The following MED13L variants were observed in gnomAD, a reference collection of about 807,000 sequenced individuals.
MED13L encodes mediator complex subunit 13L.
Under a neutral mutation model 220.9 loss-of-function variants are expected in MED13L, and 7 were observed. The observed-to-expected ratio is 0.03, with a 90% CI of 0.02 to 0.06. The LOEUF (loss-of-function observed/expected upper bound fraction) is 0.06, where lower values mean the gene tolerates loss of function less well. Ranked by LOEUF, MED13L falls within the 10% of genes least tolerant of loss-of-function variation. The pLI is 1.00. For missense variants in MED13L, 1,965 were observed against 2,760.5 expected (o/e 0.71, Z 6.46); for synonymous variants, 1,011 against 1,015.2 (o/e 1.00, Z 0.08).
chr12:115,986,449 C>T lies in MED13L; in HGVS notation c.4155G>A (p.Leu1385=), dbSNP rs758794146. ...GGAAATCCTTGTCATAGCCTACCAG[C>T]AGAGTGGGGATGGGCAACGGCTCAG... ...ESPEPLPIPT[L]LVGYDKDFLT... is the part of the protein sequence containing the mutation. The change falls in exon 19 of 31, where the codon CTG becomes CTA. Residue 1385 remains leucine, a synonymous_variant. Coordinates refer to ENST00000281928, the MANE Select transcript of MED13L (RefSeq NM_015335.5). 1 of 1,614,106 alleles carries T rather than the reference C, an allele frequency of 6.2e-7. No homozygotes were observed. Among genetic ancestry groups the T allele is most frequent in the East Asian group, 2.2e-5 (1 of 44,876 alleles).
chr12:116,239,846 A>T (rs2138469901), intron 1 of MED13L, among the ~76,000 whole-genome samples: 1 of 152,326 alleles, frequency 6.6e-6, no homozygotes, highest in Non-Finnish European at 1.5e-5. Flanking sequence ...TTGTATTAAT[A>T]CATAGTCCTT....
chr12:115,998,510 C>T (rs1007711095), intron 14 of MED13L, among the ~76,000 whole-genome samples: 1 of 152,206 alleles, frequency 6.6e-6, no homozygotes, highest in African/African-American at 2.4e-5. Flanking sequence ...TCACTTCCCC[C>T]CTTGGGGCCT....
At chr12:116,253,753 GTTTTTTTTTT>G (rs746923184) in intron 1 of MED13L, among the ~76,000 whole-genome samples, 1 of 76,492 alleles carries the variant, frequency 1.3e-5, no homozygotes, top group Admixed American at 1.5e-4. Context: ...GGTTTTTTTT[GTTTTTTTTTT>G]TTTTTTTTTT....
intron 4 of MED13L, among the ~76,000 whole-genome samples, chr12:116,091,699 A>G (rs1171741080): frequency 2.0e-5 from 3 of 152,226 alleles, no homozygotes; most frequent in Non-Finnish European, 4.4e-5. Context: ...CTGCAATCTG[A>G]ATTTCACCAC....
intron 16 of MED13L, among the ~76,000 whole-genome samples, chr12:115,994,795 C>T (rs955088918): frequency 6.6e-6 from 1 of 152,180 alleles, no homozygotes; most frequent in African/African-American, 2.4e-5. Flanking sequence ...AGAGTACAAT[C>T]GGAGCACAGC....
chr12:115,960,932 G>A lies in MED13L; in HGVS notation c.*334C>T, dbSNP rs1309890061. ...ACAGAGGCTGAAAACACAGACTCTT[G>A]TGCAAAAGGACACTGTCTCTTCTGT... is the stretch of plus-strand genomic sequence containing the variant. On this transcript the variant is annotated 3_prime_UTR_variant, in exon 31 of 31. Coordinates refer to ENST00000281928, the MANE Select transcript of MED13L (RefSeq NM_015335.5). 2 of 375,116 alleles carry A rather than the reference G, an allele frequency of 5.3e-6. No homozygotes were observed. Among genetic ancestry groups the A allele is most frequent in the African/African-American group, 2.1e-5 (1 of 47,686 alleles). 23.2% of individuals were successfully genotyped at this position (375,116 alleles called of 1,614,324 possible).
chr12:116,137,714 T>G (rs987507146), intron 2 of MED13L, among the ~76,000 whole-genome samples: 4 of 152,118 alleles, frequency 2.6e-5, no homozygotes, highest in African/African-American at 9.7e-5. Flanking sequence ...CCAGCGTTAT[T>G]TTGCCTCCAT....
Position 116,009,104 on chromosome 12 carries a change from C to T in MED13L, c.1309G>A (p.Gly437Arg), listed in dbSNP as rs1478066317. The T allele has an allele frequency of 6.2e-6, 10 of 1,613,866 alleles. No homozygotes were observed. The highest frequency in any genetic ancestry group is 7.6e-6 in the Non-Finnish European group (9 of 1,179,950). Residue 437 changes from glycine (G) to arginine (R), a missense_variant, in exon 10 of 31, where the codon GGG becomes AGG. By Grantham distance (125) the Gly-to-Arg change is moderately radical. This residue lies in a region of MED13L where 818 missense variants were observed against 1,041.2 expected (regional missense o/e 0.79). Transcript: ENST00000281928. ...RHKLLKRCAVGPNRPPTVSQP... is the reference protein window; with the variant it reads ...RHKLLKRCAVRPNRPPTVSQP... ...GATACTGTGGGAGGTCGATTGGGCC[C>T]GACTGCACAACGTTTTAAAAGCTTA...
At chr12:116,227,406 AAATTT>A (rs1869113554) in intron 2 of MED13L, among the ~76,000 whole-genome samples, 2 of 152,200 alleles carry the variant, frequency 1.3e-5, no homozygotes, top group East Asian at 3.8e-4. Context: ...CATTTTTTAC[AAATTT>A]AAGGTGTGTA....
intron 4 of MED13L, among the ~76,000 whole-genome samples, chr12:116,079,092 T>G (rs1206611093): frequency 6.6e-6 from 1 of 152,242 alleles, no homozygotes; most frequent in Non-Finnish European, 1.5e-5. Context: ...GTGCCATTAT[T>G]CTTACTACAT....
chr12:116,209,421 G>C (rs901394202), intron 2 of MED13L, among the ~76,000 whole-genome samples: 1 of 152,114 alleles, frequency 6.6e-6, no homozygotes, highest in Admixed American at 6.6e-5. Flanking sequence ...ACATGTGCTA[G>C]AACATATATC....
At chr12:116,193,584 A>C (rs1881422326) in intron 2 of MED13L, among the ~76,000 whole-genome samples, 1 of 150,260 alleles carries the variant, frequency 6.7e-6, no homozygotes, top group Non-Finnish European at 1.5e-5. Flanking sequence ...TCTGGTCAAG[A>C]TGAAGATTTA....
chr12:116,240,620 C>A (rs61937361), intron 1 of MED13L, among the ~76,000 whole-genome samples: 46 of 151,788 alleles, frequency 3.0e-4, no homozygotes, highest in Non-Finnish European at 5.6e-4. Flanking sequence ...GCAAGTTCCG[C>A]CTCCTGGGTT....
intron 1 of MED13L, among the ~76,000 whole-genome samples, chr12:116,254,608 A>T (rs892701082): frequency 4.6e-5 from 7 of 151,946 alleles, no homozygotes; most frequent in African/African-American, 1.5e-4. Flanking sequence ...CAAATTAGCC[A>T]GGCATGGTGG....
chr12:116,134,429 G>A (rs1014763383), intron 2 of MED13L, among the ~76,000 whole-genome samples: 1 of 152,180 alleles, frequency 6.6e-6, no homozygotes, highest in African/African-American at 2.4e-5. Flanking sequence ...GAACCCTGGT[G>A]ATATAACAGG....
In MED13L at chr12:115,960,857, C is replaced by A; in HGVS notation, c.*409G>T. 1 of 281,448 alleles carries A rather than the reference C, an allele frequency of 3.6e-6. No homozygotes were observed. The highest frequency in any genetic ancestry group is 3.9e-5 in the South Asian group (1 of 25,566). 17.4% of individuals were successfully genotyped at this position (281,448 alleles called of 1,614,324 possible). ...TTCAGGTAACCCACAGGCCATACAC[C>A]AGTAACTAAGAGGATTTCATCCAAA... On this transcript the variant is annotated 3_prime_UTR_variant, in exon 31 of 31. Coordinates refer to ENST00000281928, the MANE Select transcript of MED13L (RefSeq NM_015335.5).
intron 4 of MED13L, among the ~76,000 whole-genome samples, chr12:116,059,200 T>A (rs1467657545): frequency 6.6e-6 from 1 of 152,158 alleles, no homozygotes; most frequent in Non-Finnish European, 1.5e-5. Flanking sequence ...CCCAAGTGGT[T>A]GGGACTACAG....
At chr12:115,976,296 G>A (rs1207458296) in intron 23 of MED13L, among the ~76,000 whole-genome samples, 1 of 152,152 alleles carries the variant, frequency 6.6e-6, no homozygotes, top group Non-Finnish European at 1.5e-5. Context: ...ATAATAAATT[G>A]TGATATAGTT....
chr12:115,965,940 T>C, intron 29 of MED13L, 142 bp downstream of exon 29: 2 of 1,057,808 alleles, frequency 1.9e-6, no homozygotes, highest in Non-Finnish European at 2.8e-6. Context: ...GTAATTAAAA[T>C]TTCCTCAGAG....
Sources: gnomAD v4.1 joint callset for allele counts (sites outside exome capture counted in the v4.1 genomes callset) on GRCh38, gnomAD v4.1.1 for gene constraint, gnomAD v4.1.1 regional missense constraint, MANE v1.5 for transcripts, NCBI Gene and HGNC (gene_info 2026-07-23, HGNC 2026-07-21) for gene names.